The following BMERB1 variants were observed in gnomAD, a reference collection of about 807,000 sequenced individuals.
BMERB1 encodes bMERB domain-containing protein 1.
BMERB1 carries 12 observed loss-of-function variants against 23.6 expected under a neutral mutation model. The ratio of observed to expected loss-of-function variants is 0.51; its 90% CI spans 0.33 to 0.82. The LOEUF is 0.82. BMERB1 is among the 40% of genes least tolerant of loss of function. The pLI, the probability that BMERB1 is intolerant of heterozygous loss-of-function variation, is 0.03. For missense variants in BMERB1, 247 were observed against 255.4 expected, an observed-to-expected ratio of 0.97 and a Z score of 0.22; for synonymous variants, 122 against 96.6, an observed-to-expected ratio of 1.26 and a Z score of -1.54.
At chr16:15,566,642 GGTGATACA>G (rs1242859513) in intron 2 of BMERB1, among the ~76,000 whole-genome samples, 1 of 151,560 alleles carries the variant, frequency 6.6e-6, no homozygotes, top group South Asian at 2.1e-4. Context: ...CTCCAGCCTG[GGTGATACA>G]GTGAGACTGT....
At chr16:15,572,201 T>C (rs1051163142) in intron 3 of BMERB1, among the ~76,000 whole-genome samples, 1 of 152,104 alleles carries the variant, frequency 6.6e-6, no homozygotes, top group African/African-American at 2.4e-5. Context: ...TCTCTGAGCC[T>C]TGAATTCCTT....
chr16:15,447,964 A>G (rs760872417), intron 1 of BMERB1: 1 of 454,008 alleles, frequency 2.2e-6, no homozygotes, highest in Non-Finnish European at 4.4e-6. Context: ...ATCACGGCTC[A>G]CTTCAACCTC....
At chr16:15,568,893 T>C (rs944707399) in intron 3 of BMERB1, among the ~76,000 whole-genome samples, 3 of 152,110 alleles carry the variant, frequency 2.0e-5, no homozygotes, top group African/African-American at 7.2e-5. Flanking sequence ...GCTGTGTTAG[T>C]TGCCCTCTGT....
intron 1 of BMERB1, among the ~76,000 whole-genome samples, chr16:15,485,227 G>A (rs949892758): frequency 2.6e-5 from 4 of 152,172 alleles, no homozygotes; most frequent in African/African-American, 4.8e-5. Flanking sequence ...GTTCTGGGTC[G>A]TATGTTCATT....
chr16:15,477,958 C>T (rs2051287655), intron 1 of BMERB1, among the ~76,000 whole-genome samples: 1 of 152,142 alleles, frequency 6.6e-6, no homozygotes, highest in Non-Finnish European at 1.5e-5. Context: ...GGAAGAATGA[C>T]ACTACTGCAT....
intron 2 of BMERB1, among the ~76,000 whole-genome samples, chr16:15,527,689 A>C (rs1567485490): frequency 6.6e-6 from 1 of 152,176 alleles, no homozygotes; most frequent in African/African-American, 2.4e-5. Flanking sequence ...AATGCTGAGA[A>C]AGACAGGCAG....
At chr16:15,534,286 C>CAAAAAAAAAAA (rs1168488547) in intron 2 of BMERB1, among the ~76,000 whole-genome samples, 2 of 41,960 alleles carry the variant, frequency 4.8e-5, no homozygotes, top group East Asian at 2.2e-3. Flanking sequence ...TTTTTAATTG[C>CAAAAAAAAAAA]AAAAAAAAAA....
intron 1 of BMERB1, among the ~76,000 whole-genome samples, chr16:15,467,604 T>C (rs190905354): frequency 7.6e-4 from 116 of 152,302 alleles, no homozygotes; most frequent in Admixed American, 2.2e-3. Context: ...CAGGTCCTTG[T>C]TGGGTATGTG....
intron 2 of BMERB1, among the ~76,000 whole-genome samples, chr16:15,561,640 C>T (rs948751619): frequency 6.6e-6 from 1 of 152,096 alleles, no homozygotes; most frequent in African/African-American, 2.4e-5. Context: ...TGCCTGTAAT[C>T]CCAGTGCTTT....
intron 1 of BMERB1, among the ~76,000 whole-genome samples, chr16:15,459,118 C>T (rs2051114097): frequency 6.6e-6 from 1 of 151,804 alleles, no homozygotes; most frequent in Non-Finnish European, 1.5e-5. Context: ...AAGAAACAAA[C>T]AAACAAACAA....
chr16:15,467,134 C>T (rs762038147), intron 1 of BMERB1, among the ~76,000 whole-genome samples: 3 of 152,128 alleles, frequency 2.0e-5, no homozygotes, highest in Non-Finnish European at 4.4e-5. Flanking sequence ...GGCTATTATG[C>T]TTAATGCTGC....
chr16:15,484,858 T>TA, intron 1 of BMERB1, among the ~76,000 whole-genome samples: 1 of 152,332 alleles, frequency 6.6e-6, no homozygotes, highest in South Asian at 2.1e-4. Flanking sequence ...GGAAACCACT[T>TA]ACCCATTGAC....
chr16:15,543,873 A>C (rs1036672096), intron 2 of BMERB1, among the ~76,000 whole-genome samples: 24 of 152,332 alleles, frequency 1.6e-4, no homozygotes, highest in African/African-American at 5.5e-4. Context: ...AAGAAGCCAC[A>C]AAAGAGTCTT....
rs181135229 is a variant in BMERB1, at chr16:15,470,731, G to A, written c.106+35972G>A. Among the ~76,000 whole-genome samples the A allele has an allele frequency of 1.0e-3, 156 of 150,498 alleles. 1 individual carries two copies. The highest frequency in any genetic ancestry group is 1.9e-3 in the Non-Finnish European group (129 of 67,824). On this transcript the variant is annotated intron_variant, in intron 1 of 5. Transcript: ENST00000300006. Reference sequence around the variant, plus strand: ...AGTAGAGACGGGGTTTCACCATGTTGGCCAAGATGATCTCAATCTCCTGAC... The same window carrying A: ...AGTAGAGACGGGGTTTCACCATGTTAGCCAAGATGATCTCAATCTCCTGAC...
At chr16:15,445,966 T>A (rs1372472896) in intron 1 of BMERB1, among the ~76,000 whole-genome samples, 1 of 152,174 alleles carries the variant, frequency 6.6e-6, no homozygotes, top group African/African-American at 2.4e-5. Flanking sequence ...AAAATCATCA[T>A]GCTGAGTGAA....
At chr16:15,494,146 T>C (rs1241317064) in intron 1 of BMERB1, among the ~76,000 whole-genome samples, 1 of 152,178 alleles carries the variant, frequency 6.6e-6, no homozygotes, top group Non-Finnish European at 1.5e-5. Flanking sequence ...AAATGGACCT[T>C]GAGTAACAGA....
At position 15,587,063 on chromosome 16, in the gene BMERB1, AGTCT is replaced by A. The variant is rs1489484685; in HGVS notation, c.*239_*242del. The A allele has an allele frequency of 7.8e-6, 4 of 512,514 alleles. No homozygotes were observed. The highest frequency in any genetic ancestry group is 5.8e-5 in the African/African-American group (3 of 51,398). 31.7% of individuals were successfully genotyped at this position (512,514 alleles called of 1,614,324 possible). On this transcript the variant is annotated 3_prime_UTR_variant, in exon 6 of 6. Transcript: ENST00000300006. ...CTCCCCAGAGCATGCCGAACCCAGG[AGTCT>A]GTCTCACTGTTTATCCAAACACCAG...
Position 15,588,125 on chromosome 16 carries a change from C to G in BMERB1, c.*1296C>G, listed in dbSNP as rs187221677. On this transcript the variant is annotated 3_prime_UTR_variant, in exon 6 of 6. Coordinates refer to ENST00000300006, the MANE Select transcript of BMERB1 (RefSeq NM_033201.3). ...TGATGTTTCGACGTTTTAAAAAAGT[C>G]TTTTTTTGTGCATTTTTTCATCGTT... 1 of 151,710 alleles carries G rather than the reference C, an allele frequency of 6.6e-6. No homozygotes were observed. The highest frequency in any genetic ancestry group is 1.5e-5 in the Non-Finnish European group (1 of 67,946). 9.4% of individuals were successfully genotyped at this position (151,710 alleles called of 1,614,324 possible). A position where few individuals can be genotyped will look rare whatever the true frequency, so the allele number is the denominator to read the frequency against.
At chr16:15,500,390 C>T (rs2051516464) in intron 1 of BMERB1, among the ~76,000 whole-genome samples, 8 of 152,128 alleles carry the variant, frequency 5.3e-5, no homozygotes. Flanking sequence ...AGGCCCTGAC[C>T]AAAGGCAGGG....
Sources: allele counts gnomAD v4.1 joint callset (sites outside exome capture counted in the v4.1 genomes callset), GRCh38; gene constraint gnomAD v4.1.1; transcripts MANE v1.5; gene names NCBI Gene and HGNC (gene_info 2026-07-23, HGNC 2026-07-21).